SRGAP1: variants seen among roughly 807,000 people sequenced by gnomAD.
SRGAP1 encodes SLIT-ROBO Rho GTPase-activating protein 1.
A neutral mutation model predicts 121.9 loss-of-function variants in SRGAP1; 43 were observed. The ratio of observed to expected loss-of-function variants is 0.35; its 90% CI spans 0.28 to 0.46. The LOEUF is 0.46. SRGAP1 is among the 20% of genes least tolerant of loss of function. The pLI, the probability that SRGAP1 is intolerant of heterozygous loss-of-function variation, is 1.00. For synonymous variants in SRGAP1, 447 were observed against 485.4 expected (o/e 0.92, Z 1.04); for missense variants, 1,102 against 1,350.9 (o/e 0.82, Z 2.89).
At position 64,148,767 on chromosome 12, in the gene SRGAP1, G is replaced by A. The variant is rs138121599; in HGVS notation, c.*6095G>A. Reference sequence around the variant, plus strand: ...AAGTGCAGAATACTAACAAAAGTGTGCAAATCATTAGTGTAACAGTTCTCA... The same window carrying A: ...AAGTGCAGAATACTAACAAAAGTGTACAAATCATTAGTGTAACAGTTCTCA... On this transcript the variant is annotated 3_prime_UTR_variant, in exon 22 of 22. Coordinates refer to ENST00000355086, the MANE Select transcript of SRGAP1 (RefSeq NM_020762.4). The A allele has an allele frequency of 6.6e-6, 1 of 152,310 alleles. No homozygotes were observed. Among genetic ancestry groups the A allele is most frequent in the African/African-American group, 2.4e-5 (1 of 41,568 alleles). The allele number at this position is 152,310 out of a possible 1,614,324, so 9.4% of individuals were successfully genotyped here.
chr12:64,068,732 G>A (rs1358725995), intron 8 of SRGAP1, among the ~76,000 whole-genome samples: 1 of 151,874 alleles, frequency 6.6e-6, no homozygotes, highest in Non-Finnish European at 1.5e-5. Context: ...TATGCAGGGT[G>A]GGCACAGTGG....
chr12:64,091,140 G>A (rs775511528), intron 11 of SRGAP1, 136 bp from the exon 12 acceptor site: 3 of 466,946 alleles, frequency 6.4e-6, no homozygotes, highest in Non-Finnish European at 1.1e-5. Flanking sequence ...GAAATGGGAG[G>A]GAATGTTTTC....
At chr12:63,891,453 C>G (rs1473180024) in intron 1 of SRGAP1, among the ~76,000 whole-genome samples, 2 of 152,212 alleles carry the variant, frequency 1.3e-5, no homozygotes, top group East Asian at 3.8e-4. Context: ...ACTCTCTCCT[C>G]TGAACCACTT....
chr12:63,870,272 C>T (rs1899804070), intron 1 of SRGAP1, among the ~76,000 whole-genome samples: 1 of 152,032 alleles, frequency 6.6e-6, no homozygotes, highest in Admixed American at 6.6e-5. Context: ...GTGGAGCTGC[C>T]TCTTTATATG....
chr12:63,961,251 A>G (rs896267768), intron 1 of SRGAP1, among the ~76,000 whole-genome samples: 3 of 152,250 alleles, frequency 2.0e-5, no homozygotes, highest in Admixed American at 6.5e-5. Flanking sequence ...AGCATAAAAC[A>G]TGTCCATAGT....
intron 13 of SRGAP1, 66 bp from the exon 14 acceptor site, chr12:64,095,061 C>G (rs2036128903): frequency 1.2e-6 from 2 of 1,609,192 alleles, no homozygotes; most frequent in South Asian, 2.2e-5. Flanking sequence ...AATTTACTTC[C>G]TGGGAAAAGA....
In SRGAP1 at chr12:64,147,667, G is replaced by A. The variant is rs2037075104; in HGVS notation, c.*4995G>A. 2.5e-6 allele frequency: 1 copy of A among 398,512 alleles called. No homozygotes were observed. Among genetic ancestry groups the A allele is most frequent in the Non-Finnish European group, 4.4e-6 (1 of 226,110 alleles). 24.7% of individuals were successfully genotyped at this position (398,512 alleles called of 1,614,324 possible). A position where few individuals can be genotyped will look rare whatever the true frequency, so the allele number is the denominator to read the frequency against. ...CCTCTCTGAGGTGAAAATAAAGGGGGATGCTTTTACAGTCTGGAAAGAAAA... is the reference window on the plus strand; with the variant it reads ...CCTCTCTGAGGTGAAAATAAAGGGGAATGCTTTTACAGTCTGGAAAGAAAA... On this transcript the variant is annotated 3_prime_UTR_variant, in exon 22 of 22. Transcript: ENST00000355086.
chr12:64,100,930 T>C (rs893223764), intron 15 of SRGAP1, among the ~76,000 whole-genome samples: 7 of 152,208 alleles, frequency 4.6e-5, no homozygotes, highest in African/African-American at 1.7e-4. Context: ...TTTTGACGAT[T>C]TGAACCAAGT....
intron 1 of SRGAP1, among the ~76,000 whole-genome samples, chr12:63,850,620 GAT>G (rs1444092716): frequency 6.1e-5 from 8 of 130,412 alleles, no homozygotes; most frequent in Non-Finnish European, 1.3e-4. Context: ...TTTTTGTAAA[GAT>G]AGGGTTTCGC....
At chr12:64,102,530 C>A (rs1196311022) in intron 15 of SRGAP1, among the ~76,000 whole-genome samples, 1 of 152,104 alleles carries the variant, frequency 6.6e-6, no homozygotes, top group Non-Finnish European at 1.5e-5. Context: ...CCAAAAGAAA[C>A]CCCAGTTAGC....
At chr12:64,100,079 T>C (rs1038811364) in intron 15 of SRGAP1, among the ~76,000 whole-genome samples, 4 of 152,194 alleles carry the variant, frequency 2.6e-5, no homozygotes, top group African/African-American at 9.6e-5. Context: ...AGACAGTCCA[T>C]GTAAAGGGTT....
At chr12:64,042,189 A>G (rs2136504804) in intron 4 of SRGAP1, among the ~76,000 whole-genome samples, 1 of 151,956 alleles carries the variant, frequency 6.6e-6, no homozygotes, top group East Asian at 1.9e-4. Context: ...GAGCCAGCAT[A>G]CCCGGCCTAT....
intron 1 of SRGAP1, among the ~76,000 whole-genome samples, chr12:63,948,983 TTC>T (rs2032166054): frequency 2.2e-5 from 3 of 133,348 alleles, no homozygotes; most frequent in Admixed American, 1.5e-4. Context: ...TATATATATA[TTC>T]CATATATGTA....
At chr12:64,109,433 G>GA (rs2036398033) in intron 16 of SRGAP1, among the ~76,000 whole-genome samples, 2 of 152,108 alleles carry the variant, frequency 1.3e-5, no homozygotes, top group Admixed American at 1.3e-4. Context: ...GAGGATGGAA[G>GA]AAAATCATAG....
At chr12:63,851,098 G>A (rs1386318917) in intron 1 of SRGAP1, among the ~76,000 whole-genome samples, 1 of 152,212 alleles carries the variant, frequency 6.6e-6, no homozygotes, top group African/African-American at 2.4e-5. Flanking sequence ...AGAGGTTGCA[G>A]TGAGCTGAGA....
chr12:64,136,181 G>A (rs114796912), intron 21 of SRGAP1, among the ~76,000 whole-genome samples: 3 of 152,054 alleles, frequency 2.0e-5, no homozygotes, highest in African/African-American at 4.8e-5. Context: ...TTAATACTTC[G>A]CATCCTTCAA....
In SRGAP1 at chr12:64,144,949, A is replaced by G. The variant is rs1184517260; in HGVS notation, c.*2277A>G. The G allele has an allele frequency of 6.8e-6, 1 of 146,878 alleles. No individual in the cohort carries two copies. Among genetic ancestry groups the G allele is most frequent in the Non-Finnish European group, 1.5e-5 (1 of 67,590 alleles). 9.1% of individuals were successfully genotyped at this position (146,878 alleles called of 1,614,324 possible). The stretch of plus-strand genomic sequence containing the variant: ...AACCTCCATCTCCCGGGTTCAAGCA[A>G]TTCTCCTGAGTAGCTGGGATTACAG... On this transcript the variant is annotated 3_prime_UTR_variant, in exon 22 of 22. Coordinates refer to ENST00000355086, the MANE Select transcript of SRGAP1 (RefSeq NM_020762.4).
intron 12 of SRGAP1, chr12:64,091,794 A>T: frequency 1.2e-6 from 1 of 848,886 alleles, no homozygotes; most frequent in Non-Finnish European, 1.8e-6. Flanking sequence ...GGAATTCATT[A>T]TATTGAATGA....
At chr12:64,109,627 C>T (rs554085387) in intron 16 of SRGAP1, among the ~76,000 whole-genome samples, 1 of 152,244 alleles carries the variant, frequency 6.6e-6, no homozygotes, top group Non-Finnish European at 1.5e-5. Flanking sequence ...TATGCTACTT[C>T]CTGCTGTATG....
Sources: allele counts gnomAD v4.1 joint callset (sites outside exome capture counted in the v4.1 genomes callset), GRCh38; gene constraint gnomAD v4.1.1; transcripts MANE v1.5; gene names NCBI Gene and HGNC (gene_info 2026-07-23, HGNC 2026-07-21).